The following MTMR10 variants were observed in gnomAD, a reference collection of about 807,000 sequenced individuals.
MTMR10 encodes myotubularin-related protein 10.
Under a neutral mutation model 88.1 loss-of-function variants are expected in MTMR10, and 56 were observed. That is an observed-to-expected ratio of 0.64 (90% confidence interval 0.51 to 0.79). The LOEUF (loss-of-function observed/expected upper bound fraction) is 0.79. Ranked by LOEUF, MTMR10 falls within the 30% of genes least tolerant of loss-of-function variation. The probability of loss-of-function intolerance (pLI) is 0.00; values close to 1 mark genes in which losing one functional copy is unlikely to be tolerated. For synonymous variants in MTMR10, 380 were observed against 340.9 expected (o/e 1.11, Z -1.26); for missense variants, 883 against 924.7 (o/e 0.95, Z 0.58).
At chr15:30,966,700 T>C (rs1365616652) in intron 6 of MTMR10, among the ~76,000 whole-genome samples, 1 of 150,836 alleles carries the variant, frequency 6.6e-6, no homozygotes, top group Admixed American at 6.6e-5. Flanking sequence ...CTTCAAAAAA[T>C]AACTGTATTG....
chr15:30,937,282 T>C (rs1327009048), downstream of MTMR10: 2 of 1,590,662 alleles, frequency 1.3e-6, no homozygotes, highest in Admixed American at 3.7e-5. Flanking sequence ...GGATATTTGG[T>C]CATACATTAA....
intron 2 of MTMR10, among the ~76,000 whole-genome samples, chr15:30,980,975 T>G (rs2030530453): frequency 6.6e-6 from 1 of 152,112 alleles, no homozygotes; most frequent in Non-Finnish European, 1.5e-5. Flanking sequence ...AGAATTCCAA[T>G]TAATAAATGT....
At chr15:30,985,959 G>A (rs1484379830) in intron 2 of MTMR10, among the ~76,000 whole-genome samples, 1 of 152,170 alleles carries the variant, frequency 6.6e-6, no homozygotes, top group East Asian at 1.9e-4. Flanking sequence ...TGGAACCCAA[G>A]GTTGGGTGGA....
intron 6 of MTMR10, among the ~76,000 whole-genome samples, chr15:30,964,071 T>C (rs1309016457): frequency 6.6e-6 from 1 of 150,956 alleles, no homozygotes; most frequent in Non-Finnish European, 1.5e-5. Context: ...CTTAACTGGA[T>C]AGAGGGTGTT....
chr15:30,955,498 C>T (rs1359696102), intron 9 of MTMR10, among the ~76,000 whole-genome samples: 1 of 152,146 alleles, frequency 6.6e-6, no homozygotes, highest in Non-Finnish European at 1.5e-5. Context: ...TCTCAAACTC[C>T]TGACCTTGTG....
intron 1 of MTMR10, chr15:30,991,171 G>C (rs914850539): frequency 8.4e-6 from 4 of 475,366 alleles, no homozygotes; most frequent in Non-Finnish European, 1.5e-5. Context: ...GAAAACCCCA[G>C]CTCCCAAGGC....
the MTMR10 span, among the ~76,000 whole-genome samples, chr15:30,932,800 C>A: frequency 1.3e-5 from 2 of 151,308 alleles, 1 homozygote; most frequent in South Asian, 4.2e-4. Flanking sequence ...GCAACTTCCG[C>A]CTCCTGGGTT....
Position 30,941,878 on chromosome 15 carries a change from G to A in MTMR10, c.1926C>T (p.His642=), listed in dbSNP as rs775312575. The part of the protein sequence containing the change: ...REWFSKPANL[H]GVILPRVSGT... ...CAGAGACACGTGGCAGAATAACACC[G>A]TGCAGGTTGGCGGGTTTGGAAAACC... The change falls in exon 16 of 16, where the codon CAC becomes CAT. Residue 642 remains histidine (H), a synonymous_variant. Transcript: ENST00000435680. 6.8e-6 allele frequency: 11 copies of A among 1,614,020 alleles called. No individual in the cohort carries two copies. Among genetic ancestry groups the A allele is most frequent in the South Asian group, 3.3e-5 (3 of 91,090 alleles).
In MTMR10 at chr15:30,974,877, A is replaced by G. The variant is rs1002538217; in HGVS notation, c.331+54T>C. The G allele has an allele frequency of 5.7e-6, 7 of 1,231,060 alleles. No homozygotes were observed. In the African/African-American group the frequency reaches 1.1e-4, roughly 19 times the overall value. The allele number at this position is 1,231,060 out of a possible 1,614,324, so 76.3% of individuals were successfully genotyped here. A position where few individuals can be genotyped will look rare whatever the true frequency, so the allele number is the denominator to read the frequency against. Reference sequence around the variant, plus strand: ...TATTTTGAGAGGTATGACTTTTCAAATAATACTTCCAGAGTGGAATTGACT... The same window carrying G: ...TATTTTGAGAGGTATGACTTTTCAAGTAATACTTCCAGAGTGGAATTGACT... On this transcript the variant is annotated intron_variant, in intron 4 of 15. Transcript: ENST00000435680.
the MTMR10 span, chr15:30,927,365 T>C: frequency 9.9e-4 from 977 of 985,516 alleles, 8 homozygotes; most frequent in Middle Eastern, 8.4e-3. Context: ...AGAAAAGTCC[T>C]CCTGGAAGAC....
At chr15:30,972,567 T>C (rs529071598) in intron 5 of MTMR10, among the ~76,000 whole-genome samples, 8 of 152,224 alleles carry the variant, frequency 5.3e-5, no homozygotes, top group East Asian at 1.9e-4. Context: ...GCACAACACA[T>C]AGGGGATATT....
At chr15:30,954,972 G>T in intron 9 of MTMR10, 79 bp from the exon 10 acceptor site, 1 of 1,260,638 alleles carries the variant, frequency 7.9e-7, no homozygotes, top group African/African-American at 1.6e-5. Context: ...TAGACCAGGG[G>T]ATAGAGAGAG....
chr15:30,951,563 G>C (rs960507899), intron 12 of MTMR10, among the ~76,000 whole-genome samples: 9 of 151,766 alleles, frequency 5.9e-5, no homozygotes, highest in Admixed American at 3.3e-4. Context: ...GCAGTGGTGC[G>C]ATCTCTGCTC....
chr15:30,953,289 T>C (rs1387733910), intron 11 of MTMR10, among the ~76,000 whole-genome samples: 1 of 152,132 alleles, frequency 6.6e-6, no homozygotes, highest in African/African-American at 2.4e-5. Flanking sequence ...TGGTGGTGGT[T>C]ACGTGAACCT....
At chr15:30,960,451 C>A (rs1268004762) in intron 7 of MTMR10, among the ~76,000 whole-genome samples, 1 of 152,176 alleles carries the variant, frequency 6.6e-6, no homozygotes, top group African/African-American at 2.4e-5. Context: ...GGGGATAAAA[C>A]AAGCAATATC....
At chr15:30,935,705 A>T (rs2062833894), downstream of MTMR10, among the ~76,000 whole-genome samples, 1 of 152,192 alleles carries the variant, frequency 6.6e-6, no homozygotes, top group Non-Finnish European at 1.5e-5. Flanking sequence ...TGTATGTCTT[A>T]GCCTTTATTT....
At chr15:30,943,219 A>T in intron 14 of MTMR10, 147 bp from the exon 15 acceptor site, 1 of 1,401,416 alleles carries the variant, frequency 7.1e-7, no homozygotes, top group Non-Finnish European at 9.2e-7. Flanking sequence ...ACTTCAAGAG[A>T]GGAGACGCTC....
chr15:30,919,173 G>C, the MTMR10 span, among the ~76,000 whole-genome samples: 1 of 152,124 alleles, frequency 6.6e-6, no homozygotes, highest in Non-Finnish European at 1.5e-5. Flanking sequence ...CTGAGGTCGG[G>C]AGTCTGAGAC....
intron 5 of MTMR10, among the ~76,000 whole-genome samples, chr15:30,969,247 T>G (rs933783000): frequency 5.9e-5 from 9 of 151,936 alleles, no homozygotes; most frequent in African/African-American, 2.2e-4. Context: ...GAATTTGTCA[T>G]TAGTTTTGAC....
Sources: gnomAD v4.1 joint callset for allele counts (sites outside exome capture counted in the v4.1 genomes callset) on GRCh38, gnomAD v4.1.1 for gene constraint, MANE v1.5 for transcripts, NCBI Gene and HGNC (gene_info 2026-07-23, HGNC 2026-07-21) for gene names.